Variants in CCDC62 observed in about 807,000 individuals in gnomAD.
CCDC62 encodes coiled-coil domain-containing protein 62.
Under a neutral mutation model 80.8 loss-of-function variants are expected in CCDC62, and 72 were observed. The ratio of observed to expected loss-of-function variants is 0.89; its 90% CI spans 0.74 to 1.08. CCDC62 has a LOEUF of 1.08. Ranked by LOEUF, CCDC62 falls within the 50% of genes least tolerant of loss-of-function variation. The pLI is 0.00. For missense variants in CCDC62, 704 were observed against 809.4 expected, an observed-to-expected ratio of 0.87 and a Z score of 1.58; for synonymous variants, 286 against 296.5, an observed-to-expected ratio of 0.96 and a Z score of 0.36.
At chr12:122,782,153 A>G (rs977956837) in intron 3 of CCDC62, among the ~76,000 whole-genome samples, 8 of 152,160 alleles carry the variant, frequency 5.3e-5, no homozygotes, top group Non-Finnish European at 1.0e-4. Context: ...TGGGCAACAT[A>G]GTGAGACCTC....
At chr12:122,797,491 G>A in intron 7 of CCDC62, 96 bp downstream of exon 7, 1 of 683,102 alleles carries the variant, frequency 1.5e-6, no homozygotes, top group Non-Finnish European at 2.6e-6. Context: ...TGTTTAATTG[G>A]TGATTTGGAA....
At chr12:122,822,084 C>CACACACACACAG (rs1287819467) in intron 11 of CCDC62, among the ~76,000 whole-genome samples, 7 of 130,870 alleles carry the variant, frequency 5.3e-5, no homozygotes, top group Non-Finnish European at 1.1e-4. Flanking sequence ...CACACACACA[C>CACACACACACAG]ACACACGACA....
At position 122,805,117 on chromosome 12, in the gene CCDC62, T is replaced by G. The variant is rs148179920; in HGVS notation, c.1707-1034T>G. 1.5e-3 allele frequency among the ~76,000 whole-genome samples: 228 copies of G among 149,088 alleles called. 1 individual carries two copies. In the South Asian group the frequency reaches 0.027, roughly 18 times the overall value. ...CCAGGCTGGTCTCAAACTCCTGACC[T>G]CAGGTGGTCAGCTCTCCTCGGCCTC... On this transcript the variant is annotated intron_variant, in intron 9 of 12. Transcript: ENST00000253079.
chr12:122,801,847 G>C lies in CCDC62; in HGVS notation c.1701G>C (p.Pro567=). Residue 567 remains proline, a synonymous_variant, in exon 9 of 13, where the codon CCG becomes CCC. Transcript: ENST00000253079. ...TCTGTGGCACACAACATGACTCCCC[G>C]GCAAGGTGAGTAACGTTCACATCTG... ...ESICGTQHDS[P]ASELIAIQDS... is the part of the protein sequence containing the mutation. The C allele has an allele frequency of 6.2e-7, 1 of 1,612,972 alleles. No homozygotes were observed. The highest frequency in any genetic ancestry group is 8.5e-7 in the Non-Finnish European group (1 of 1,179,668).
chr12:122,807,437 G>T (rs1255305351), intron 10 of CCDC62, among the ~76,000 whole-genome samples: 1 of 150,616 alleles, frequency 6.6e-6, no homozygotes, highest in African/African-American at 2.4e-5. Flanking sequence ...AGGCTGAGGC[G>T]GGAGAATCGC....
chr12:122,824,801 T>C (rs759636194), intron 12 of CCDC62, among the ~76,000 whole-genome samples: 173 of 152,158 alleles, frequency 1.1e-3, no homozygotes, highest in Middle Eastern at 3.2e-3. Flanking sequence ...ATGTGGTATA[T>C]GGGCCAGGCA....
chr12:122,792,108 A>G lies in CCDC62; in HGVS notation c.759A>G (p.Glu253=), dbSNP rs1449499808. Residue 253 remains glutamate, a synonymous_variant, in exon 6 of 13, where the codon GAA becomes GAG. Transcript: ENST00000253079. ...LKQEKSCLHD[E]LLFTVEREKR... ...AAGAGAAAAGTTGCCTGCACGATGA[A>G]TTGCTTTTTACTGGTAAAACAGATG... The G allele has an allele frequency of 6.2e-7, 1 of 1,604,294 alleles. No individual in the cohort carries two copies. The highest frequency in any genetic ancestry group is 1.7e-4 in the Middle Eastern group (1 of 6,034).
At chr12:122,782,242 C>T (rs1322974413) in intron 3 of CCDC62, among the ~76,000 whole-genome samples, 1 of 152,124 alleles carries the variant, frequency 6.6e-6, no homozygotes, top group African/African-American at 2.4e-5. Context: ...TACACTCATC[C>T]ACCCCTTGTA....
intron 9 of CCDC62, among the ~76,000 whole-genome samples, chr12:122,805,509 CTTTTTT>C (rs34211739): frequency 2.0e-5 from 1 of 49,508 alleles, no homozygotes; most frequent in Non-Finnish European, 3.4e-5. Context: ...ACACCCAGCT[CTTTTTT>C]TTTTTTTTTT....
At chr12:122,809,252 G>T (rs1178724836) in intron 10 of CCDC62, among the ~76,000 whole-genome samples, 1 of 152,226 alleles carries the variant, frequency 6.6e-6, no homozygotes, top group Non-Finnish European at 1.5e-5. Flanking sequence ...CACTTTGGGA[G>T]GCTGAGGTGG....
intron 8 of CCDC62, 67 bp downstream of exon 8, chr12:122,798,267 A>C (rs375892541): frequency 4.8e-6 from 4 of 825,014 alleles, no homozygotes; most frequent in South Asian, 2.9e-5. Flanking sequence ...TTTACTGCGC[A>C]CTTACTGTTG....
At chr12:122,800,563 G>A (rs138436155) in intron 8 of CCDC62, among the ~76,000 whole-genome samples, 1 of 151,826 alleles carries the variant, frequency 6.6e-6, no homozygotes, top group Non-Finnish European at 1.5e-5. Context: ...AAGTAGCTGG[G>A]AATACAGGCC....
At chr12:122,824,187 G>A (rs530425202) in intron 12 of CCDC62, among the ~76,000 whole-genome samples, 15 of 152,046 alleles carry the variant, frequency 9.9e-5, no homozygotes, top group East Asian at 3.9e-4. Context: ...AGGCCAAGGC[G>A]GGTGGATCAC....
intron 10 of CCDC62, among the ~76,000 whole-genome samples, chr12:122,812,807 G>GAAAGAAAGAAAGAA (rs2031990479): frequency 7.0e-6 from 1 of 142,472 alleles, no homozygotes; most frequent in Non-Finnish European, 1.6e-5. Flanking sequence ...AAGAAAGAAA[G>GAAAGAAAGAAAGAA]AAAGAAAGAA....
At chr12:122,796,285 A>C (rs1166948908) in intron 6 of CCDC62, among the ~76,000 whole-genome samples, 1 of 147,822 alleles carries the variant, frequency 6.8e-6, no homozygotes, top group Non-Finnish European at 1.5e-5. Flanking sequence ...TTGTTTAGGG[A>C]CCATGCTGTA....
At chr12:122,775,841 G>A (rs1459835672) in intron 1 of CCDC62, among the ~76,000 whole-genome samples, 1 of 152,202 alleles carries the variant, frequency 6.6e-6, no homozygotes, top group Admixed American at 6.5e-5. Flanking sequence ...TCGAACTCCC[G>A]ACCTCAGGTG....
rs573540566 is a variant in CCDC62, at chr12:122,788,106, G to C, written c.499-652G>C. 1.4e-4 allele frequency among the ~76,000 whole-genome samples: 21 copies of C among 152,262 alleles called. No homozygotes were observed. The South Asian group carries it at 4.4e-3, about 32-fold the overall frequency. ...TAGCAGAAATGTTTAGACTTCAGTA[G>C]GGGTAAAACCTCTTAATAACAGTTA... is the stretch of plus-strand genomic sequence containing the variant. On this transcript the variant is annotated intron_variant, in intron 4 of 12. Coordinates refer to ENST00000253079, the MANE Select transcript of CCDC62 (RefSeq NM_201435.5).
intron 2 of CCDC62, among the ~76,000 whole-genome samples, chr12:122,778,784 C>T (rs1190543024): frequency 2.0e-5 from 3 of 152,060 alleles, no homozygotes; most frequent in Non-Finnish European, 4.4e-5. Flanking sequence ...GAGGCTGAGG[C>T]AGGAGAATTG....
chr12:122,793,658 T>C (rs1007843318), intron 6 of CCDC62, among the ~76,000 whole-genome samples: 7 of 152,150 alleles, frequency 4.6e-5, no homozygotes, highest in African/African-American at 1.7e-4. Flanking sequence ...TCTCACTATG[T>C]TGCCCAGGCT....
Sources: allele counts gnomAD v4.1 joint callset (sites outside exome capture counted in the v4.1 genomes callset), GRCh38; gene constraint gnomAD v4.1.1; transcripts MANE v1.5; gene names NCBI Gene and HGNC (gene_info 2026-07-23, HGNC 2026-07-21).